Variants in ERBB4 observed in about 807,000 individuals in gnomAD.
The protein encoded by ERBB4 is receptor tyrosine-protein kinase erbB-4.
Under a neutral mutation model 158.0 loss-of-function variants are expected in ERBB4, and 42 were observed. That is an observed-to-expected ratio of 0.27 (90% CI 0.21 to 0.34). The LOEUF (loss-of-function observed/expected upper bound fraction) is 0.34. Among genes scored for constraint, ERBB4 ranks in the 10% least tolerant of loss-of-function variants. The pLI is 1.00. For synonymous variants in ERBB4, 583 were observed against 558.7 expected (o/e 1.04, Z -0.61); for missense variants, 1,333 against 1,624.1 (o/e 0.82, Z 3.08).
intron 10 of ERBB4, 106 bp from the exon 11 acceptor site, chr2:211,704,300 A>G (rs2106046979): frequency 2.6e-6 from 2 of 770,956 alleles, no homozygotes; most frequent in Non-Finnish European, 4.7e-6. Flanking sequence ...GGGAAGTGAG[A>G]AAGGGGTAGT....
At chr2:211,815,950 AGT>A (rs1251097620) in intron 3 of ERBB4, among the ~76,000 whole-genome samples, 21 of 151,810 alleles carry the variant, frequency 1.4e-4, no homozygotes, top group East Asian at 3.9e-4. Flanking sequence ...CCTCCCTGGG[AGT>A]GTTGGGGGTG....
At chr2:211,868,970 T>C (rs1407691683) in intron 3 of ERBB4, among the ~76,000 whole-genome samples, 1 of 152,190 alleles carries the variant, frequency 6.6e-6, no homozygotes, top group African/African-American at 2.4e-5. Context: ...CTAAACCTCA[T>C]TTCAATTTCA....
chr2:212,294,530 T>A (rs1319807779), intron 1 of ERBB4, among the ~76,000 whole-genome samples: 1 of 152,070 alleles, frequency 6.6e-6, no homozygotes, highest in Non-Finnish European at 1.5e-5. Context: ...ACCTGTAAAT[T>A]ATAATTCTTA....
chr2:211,734,346 G>A (rs926565713), intron 5 of ERBB4, among the ~76,000 whole-genome samples: 3 of 151,968 alleles, frequency 2.0e-5, no homozygotes, highest in African/African-American at 7.2e-5. Flanking sequence ...GTGAAGAATT[G>A]GGCAAACTAT....
chr2:211,944,185 A>ATATATAG (rs1263939431), intron 3 of ERBB4, among the ~76,000 whole-genome samples: 4 of 45,514 alleles, frequency 8.8e-5, no homozygotes, highest in African/African-American at 4.8e-4. Flanking sequence ...TACTATATAT[A>ATATATAG]TATATATATA....
intron 12 of ERBB4, among the ~76,000 whole-genome samples, chr2:211,696,491 G>A (rs1464847128): frequency 6.6e-6 from 1 of 151,882 alleles, no homozygotes; most frequent in Non-Finnish European, 1.5e-5. Flanking sequence ...ATAAAACTGA[G>A]GTATAGAGAC....
At chr2:212,431,721 T>C (rs1186866770) in intron 1 of ERBB4, among the ~76,000 whole-genome samples, 2 of 152,174 alleles carry the variant, frequency 1.3e-5, no homozygotes, top group Non-Finnish European at 2.9e-5. Flanking sequence ...CATCAACATA[T>C]AGTGTTAACT....
intron 1 of ERBB4, among the ~76,000 whole-genome samples, chr2:212,274,289 T>TTCCAGCA (rs2085447561): frequency 6.6e-6 from 1 of 151,864 alleles, no homozygotes; most frequent in South Asian, 2.1e-4. Flanking sequence ...TTGGGAGCAC[T>TTCCAGCA]TCCAGCATCA....
intron 3 of ERBB4, among the ~76,000 whole-genome samples, chr2:211,841,529 T>G (rs894742325): frequency 3.3e-5 from 5 of 151,986 alleles, no homozygotes; most frequent in African/African-American, 1.2e-4. Context: ...AAATGTGGCA[T>G]TAAGGTAAGG....
At chr2:211,551,706 A>G (rs1447288134) in intron 20 of ERBB4, among the ~76,000 whole-genome samples, 1 of 152,216 alleles carries the variant, frequency 6.6e-6, no homozygotes, top group Non-Finnish European at 1.5e-5. Context: ...GGCCATATCT[A>G]CACATAGCAT....
Position 212,171,760 on chromosome 2 carries a change from T to G in ERBB4, c.83-46857A>C, listed in dbSNP as rs185189810. On this transcript the variant is annotated intron_variant, in intron 1 of 27. Coordinates refer to ENST00000342788, the MANE Select transcript of ERBB4 (RefSeq NM_005235.3). The stretch of plus-strand genomic sequence containing the variant: ...ACGCCTCTTCGCCTTCCACCATGAT[T>G]GTAAGTTTCCTGAGGCCTACCCAGT... Among the ~76,000 whole-genome samples, 12 of 152,298 alleles carry G rather than the reference T, an allele frequency of 7.9e-5. No homozygotes were observed. The East Asian group carries it at 1.4e-3, about 17-fold the overall frequency.
chr2:211,487,055 G>A (rs1411698447), intron 20 of ERBB4, among the ~76,000 whole-genome samples: 1 of 150,814 alleles, frequency 6.6e-6, no homozygotes, highest in Admixed American at 6.6e-5. Flanking sequence ...GTGCAGGTTT[G>A]TTACATATGT....
rs2062615881 is a variant in ERBB4 at position 211,383,579 on chromosome 2, A to C, written c.*36T>G. 2.6e-6 allele frequency: 4 copies of C among 1,549,848 alleles called. No homozygotes were observed. The East Asian group carries it at 6.7e-5, about 26-fold the overall frequency. Reference sequence around the variant, plus strand: ...GAGAGGGGGGTGGGGAAATTGGAGCAGGTGTGTCTCTCCACCTAAAAAACC... The same window carrying C: ...GAGAGGGGGGTGGGGAAATTGGAGCCGGTGTGTCTCTCCACCTAAAAAACC... On this transcript the variant is annotated 3_prime_UTR_variant, in exon 28 of 28. Transcript: ENST00000342788.
At chr2:212,003,215 A>AGAC (rs2076174895) in intron 2 of ERBB4, among the ~76,000 whole-genome samples, 16 of 47,320 alleles carry the variant, frequency 3.4e-4, no homozygotes, top group African/African-American at 5.3e-4. Context: ...GACAGAAAGA[A>AGAC]GGAAGGAAGG....
At chr2:212,235,358 A>G (rs894456253) in intron 1 of ERBB4, among the ~76,000 whole-genome samples, 30 of 152,194 alleles carry the variant, frequency 2.0e-4, no homozygotes, top group African/African-American at 6.3e-4. Context: ...TACCAGTACC[A>G]TGCTGTTTTG....
chr2:212,244,358 G>A (rs1398826350), intron 1 of ERBB4, among the ~76,000 whole-genome samples: 1 of 152,054 alleles, frequency 6.6e-6, no homozygotes, highest in African/African-American at 2.4e-5. Flanking sequence ...GACACAAAAT[G>A]AAATTCACGG....
intron 2 of ERBB4, among the ~76,000 whole-genome samples, chr2:212,092,712 T>A (rs183445399): frequency 1.3e-5 from 2 of 152,298 alleles, no homozygotes; most frequent in Admixed American, 1.3e-4. Flanking sequence ...TTAGTGGAAG[T>A]AATTTTAGGA....
intron 1 of ERBB4, among the ~76,000 whole-genome samples, chr2:212,465,332 A>C (rs1402995158): frequency 2.0e-5 from 3 of 152,146 alleles, no homozygotes; most frequent in African/African-American, 7.2e-5. Context: ...ATTTTACTTA[A>C]AATTTGCTGA....
chr2:212,114,824 C>CA (rs981467961), intron 2 of ERBB4, among the ~76,000 whole-genome samples: 28 of 151,968 alleles, frequency 1.8e-4, no homozygotes, highest in African/African-American at 5.8e-4. Flanking sequence ...ACTGAACCTC[C>CA]AAAAAAGCTT....
Sources: gnomAD v4.1 joint callset for allele counts (sites outside exome capture counted in the v4.1 genomes callset) on GRCh38, gnomAD v4.1.1 for gene constraint, MANE v1.5 for transcripts, NCBI Gene and HGNC (gene_info 2026-07-23, HGNC 2026-07-21) for gene names.